Variants in FHOD3 observed in about 807,000 individuals in gnomAD.
The protein encoded by FHOD3 is FH1/FH2 domain-containing protein 3.
In FHOD3, 90 loss-of-function variants were observed where a neutral mutation model predicts 173.0. The observed-to-expected ratio is 0.52, with a 90% CI of 0.44 to 0.62. FHOD3 has a LOEUF of 0.62. Ranked by LOEUF, FHOD3 falls within the 20% of genes least tolerant of loss-of-function variation. FHOD3 has a pLI of 0.00. For synonymous variants in FHOD3, 828 were observed against 823.0 expected, an observed-to-expected ratio of 1.01 and a Z score of -0.10; for missense variants, 1,945 against 2,034.7, an observed-to-expected ratio of 0.96 and a Z score of 0.85.
At chr18:36,455,619 T>C (rs570742321) in intron 3 of FHOD3, among the ~76,000 whole-genome samples, 1 of 151,094 alleles carries the variant, frequency 6.6e-6, no homozygotes, top group South Asian at 2.1e-4. Flanking sequence ...TAAATAAATG[T>C]ATTTCATATG....
chr18:36,561,026 C>T lies in FHOD3; in HGVS notation c.512-15425C>T, dbSNP rs143152974. Among the ~76,000 whole-genome samples the T allele has an allele frequency of 3.0e-3, 456 of 152,158 alleles. 3 individuals carry two copies. Among genetic ancestry groups the T allele is most frequent in the Middle Eastern group, 6.8e-3 (2 of 294 alleles). On this transcript the variant is annotated intron_variant, in intron 5 of 28. Transcript: ENST00000590592. The stretch of plus-strand genomic sequence containing the variant: ...GCAGACATTCTGTTTATGTATTCTT[C>T]CCCTGTGGAGGGCTGTACACATTTG...
At chr18:36,570,464 CAT>C (rs1392956297) in intron 5 of FHOD3, among the ~76,000 whole-genome samples, 1 of 152,026 alleles carries the variant, frequency 6.6e-6, no homozygotes, top group Admixed American at 6.5e-5. Context: ...TTCCACCAAA[CAT>C]TTAAAGATAA....
chr18:36,595,161 C>T (rs1262471970), intron 7 of FHOD3, among the ~76,000 whole-genome samples: 1 of 152,150 alleles, frequency 6.6e-6, no homozygotes, highest in East Asian at 1.9e-4. Context: ...CCAGCTCCTG[C>T]CACTGAAACA....
At chr18:36,625,215 T>C (rs1297269449) in intron 9 of FHOD3, among the ~76,000 whole-genome samples, 1 of 151,826 alleles carries the variant, frequency 6.6e-6, no homozygotes, top group Non-Finnish European at 1.5e-5. Context: ...GGGTACAGAG[T>C]TAGTTAGGTC....
At chr18:36,553,846 C>T (rs1050429285) in intron 5 of FHOD3, among the ~76,000 whole-genome samples, 4 of 152,116 alleles carry the variant, frequency 2.6e-5, no homozygotes, top group Non-Finnish European at 5.9e-5. Context: ...AGACACTTCT[C>T]AAAAGAAGAC....
chr18:36,553,865 A>C (rs2057763597), intron 5 of FHOD3, among the ~76,000 whole-genome samples: 1 of 152,254 alleles, frequency 6.6e-6, no homozygotes, highest in South Asian at 2.1e-4. Flanking sequence ...ACATTTATGC[A>C]GCCAAGAAAC....
intron 1 of FHOD3, among the ~76,000 whole-genome samples, chr18:36,300,378 A>G (rs368745193): frequency 3.0e-4 from 45 of 152,284 alleles, no homozygotes; most frequent in African/African-American, 9.6e-4. Flanking sequence ...AGGCCTGGGG[A>G]CAGGTGAATG....
chr18:36,619,029 A>T (rs74929354), intron 9 of FHOD3, among the ~76,000 whole-genome samples: 22,177 of 152,128 alleles, frequency 0.15, 1,734 homozygotes, highest in African/African-American at 0.18. Flanking sequence ...GCTCATCGCT[A>T]TCTTGACTCC....
At chr18:36,531,805 T>C (rs1380981932) in intron 5 of FHOD3, among the ~76,000 whole-genome samples, 1 of 152,216 alleles carries the variant, frequency 6.6e-6, no homozygotes, top group Non-Finnish European at 1.5e-5. Context: ...TGCGGTCCTC[T>C]CGGAGGCAGG....
chr18:36,687,163 A>G lies in FHOD3; in HGVS notation c.2006A>G (p.Gln669Arg), dbSNP rs1327230650. The G allele has an allele frequency of 6.2e-7, 1 of 1,611,306 alleles. No homozygotes were observed. The change falls in exon 16 of 29, where the codon CAA (glutamine) becomes CGA (arginine). Residue 669 changes from glutamine to arginine, a missense_variant. Gln to Arg is a conservative substitution (Grantham distance 43). Transcript: ENST00000590592. ...DYLDKREEQR[Q>R]AREERYKYLE... Reference sequence around the variant, plus strand: ...TTAGACAAAAGAGAGGAGCAAAGGCAAGCAAGAGAAGAAAGGTTTGTATAT... The same window carrying G: ...TTAGACAAAAGAGAGGAGCAAAGGCGAGCAAGAGAAGAAAGGTTTGTATAT...
chr18:36,473,353 G>T (rs1362693814), intron 3 of FHOD3, among the ~76,000 whole-genome samples: 1 of 152,240 alleles, frequency 6.6e-6, no homozygotes, highest in Non-Finnish European at 1.5e-5. Flanking sequence ...GGTGGAGGTT[G>T]CAGTGAGCCA....
intron 1 of FHOD3, among the ~76,000 whole-genome samples, chr18:36,344,290 A>G (rs941960173): frequency 6.6e-6 from 1 of 152,236 alleles, no homozygotes; most frequent in African/African-American, 2.4e-5. Flanking sequence ...ATCTAAGTGA[A>G]TATTGACTGC....
intron 5 of FHOD3, among the ~76,000 whole-genome samples, chr18:36,534,031 T>A (rs955532416): frequency 1.3e-5 from 2 of 152,144 alleles, no homozygotes; most frequent in Non-Finnish European, 2.9e-5. Context: ...CTTAGAGTGG[T>A]GATGACCCAT....
Position 36,742,835 on chromosome 18 carries a change from G to A in FHOD3, c.3858G>A (p.Gly1286=). The A allele has an allele frequency of 6.2e-7, 1 of 1,613,584 alleles. No homozygotes were observed. Among genetic ancestry groups the A allele is most frequent in the Non-Finnish European group, 8.5e-7 (1 of 1,179,856 alleles). The change falls in exon 22 of 29, where the codon GGG becomes GGA. Residue 1286 remains glycine (G), a synonymous_variant. Coordinates refer to ENST00000590592, the MANE Select transcript of FHOD3 (RefSeq NM_001281740.3). ...GFILSTLLAI[G]NFLNGTNAKA... Reference sequence around the variant, plus strand: ...TCCTGTCTACTCTCTTAGCCATTGGGAACTTTCTAAATGGAACTAATGTAA... The same window carrying A: ...TCCTGTCTACTCTCTTAGCCATTGGAAACTTTCTAAATGGAACTAATGTAA...
At chr18:36,628,370 T>C (rs893728446) in intron 10 of FHOD3, among the ~76,000 whole-genome samples, 5 of 152,190 alleles carry the variant, frequency 3.3e-5, no homozygotes, top group African/African-American at 9.6e-5. Context: ...CCTAAACATA[T>C]TCTTCAAGCG....
chr18:36,502,110 A>G, intron 4 of FHOD3, 111 bp downstream of exon 4: 2 of 592,824 alleles, frequency 3.4e-6, no homozygotes, highest in East Asian at 6.0e-5. Flanking sequence ...TTTAGATTAC[A>G]ATATTTATAT....
At chr18:36,473,061 A>T (rs1172915545) in intron 3 of FHOD3, among the ~76,000 whole-genome samples, 5 of 152,220 alleles carry the variant, frequency 3.3e-5, no homozygotes, top group African/African-American at 1.2e-4. Flanking sequence ...CAGTGAAATG[A>T]AATGAGATGT....
intron 3 of FHOD3, among the ~76,000 whole-genome samples, chr18:36,488,417 C>T (rs2145708687): frequency 6.6e-6 from 1 of 152,226 alleles, no homozygotes; most frequent in East Asian, 1.9e-4. Context: ...GAGAGAGACC[C>T]CCAGGGCCCA....
chr18:36,605,574 C>T (rs537143164), intron 8 of FHOD3, among the ~76,000 whole-genome samples: 132 of 152,222 alleles, frequency 8.7e-4, no homozygotes, highest in African/African-American at 3.0e-3. Context: ...GTTATTGGAA[C>T]GCTAAGCTTG....
Sources: allele counts gnomAD v4.1 joint callset (sites outside exome capture counted in the v4.1 genomes callset), GRCh38; gene constraint gnomAD v4.1.1; transcripts MANE v1.5; gene names NCBI Gene and HGNC (gene_info 2026-07-23, HGNC 2026-07-21).